Variants in ZNF540 observed in about 807,000 individuals in gnomAD.
ZNF540 encodes the protein zinc finger protein 540, also known as CTD-3064H18.6.
A neutral mutation model predicts 11.8 loss-of-function variants in ZNF540; 3 were observed. That is an observed-to-expected ratio of 0.25 (90% CI 0.12 to 0.65). The LOEUF (loss-of-function observed/expected upper bound fraction) is 0.65, where lower values mean the gene tolerates loss of function less well. Ranked by LOEUF, ZNF540 falls within the 30% of genes least tolerant of loss-of-function variation. The pLI, the probability that ZNF540 is intolerant of heterozygous loss-of-function variation, is 0.83. For missense variants in ZNF540, 709 were observed against 793.1 expected, an observed-to-expected ratio of 0.89 and a Z score of 1.27; for synonymous variants, 247 against 259.0, an observed-to-expected ratio of 0.95 and a Z score of 0.45.
intron 1 of ZNF540, among the ~76,000 whole-genome samples, chr19:37,573,948 T>C (rs544519659): frequency 6.6e-6 from 1 of 152,330 alleles, no homozygotes; most frequent in South Asian, 2.1e-4. Flanking sequence ...TAAAAAATCA[T>C]TGCCTTTTCC....
Position 37,601,113 on chromosome 19 carries a change from G to T in ZNF540, c.232+8G>T. The T allele has an allele frequency of 1.3e-6, 2 of 1,566,856 alleles. No individual in the cohort carries two copies. Among genetic ancestry groups the T allele is most frequent in the Non-Finnish European group, 1.7e-6 (2 of 1,155,408 alleles). ...CAGGAAGACAGTGCCCCGGTGAGTT[G>T]AGAGTTCATCAGGCAGATGGAAGCC... On this transcript the variant is annotated splice_region_variant and intron_variant, in intron 4 of 4. Transcript: ENST00000316433.
intron 1 of ZNF540, chr19:37,564,838 A>G (rs1288400352): frequency 6.2e-7 from 1 of 1,614,078 alleles, no homozygotes; most frequent in Non-Finnish European, 8.5e-7. Context: ...GTTTACATTC[A>G]TAAGGTTTTT....
At chr19:37,585,420 G>C (rs1338781466) in intron 1 of ZNF540, 1 of 152,160 alleles carries the variant, frequency 6.6e-6, no homozygotes, top group African/African-American at 2.4e-5. Context: ...AACAACTCTG[G>C]GAATGGGCTG....
upstream of ZNF540, chr19:37,594,538 T>A (rs892122074): frequency 6.6e-6 from 1 of 152,230 alleles, no homozygotes; most frequent in Non-Finnish European, 1.5e-5. Flanking sequence ...CCCCCGCCAC[T>A]GCCAGAACCA....
intron 1 of ZNF540, chr19:37,560,952 C>G (rs1219667520): frequency 1.4e-5 from 2 of 141,574 alleles, no homozygotes; most frequent in Non-Finnish European, 3.0e-5. Flanking sequence ...TGGCTCATGT[C>G]TGTAATCGCA....
rs758947802 is a variant in ZNF540 at position 37,569,620 on chromosome 19, G to A, written c.-73+17955G>A. 1.9e-4 allele frequency among the ~76,000 whole-genome samples: 29 copies of A among 152,116 alleles called. No individual in the cohort carries two copies. Among genetic ancestry groups the A allele is most frequent in the Non-Finnish European group, 3.7e-4 (25 of 68,034 alleles). On this transcript the variant is annotated intron_variant, in intron 1 of 4. Transcript: ENST00000592533. This position sits in a 1 kb window ranked among gnomAD's most constrained non-coding sequence, Gnocchi z 4.4. The stretch of plus-strand genomic sequence containing the variant: ...AGTGCTGCTTATAACCTACTAGGTT[G>A]TATTCATAACCTCTAGCAGGTTCTG...
At chr19:37,552,444 G>T (rs1372754998) in intron 1 of ZNF540, among the ~76,000 whole-genome samples, 1 of 152,106 alleles carries the variant, frequency 6.6e-6, no homozygotes, top group African/African-American at 2.4e-5. Flanking sequence ...ACTTTTAAAA[G>T]TTAATGAGAG....
intron 1 of ZNF540, among the ~76,000 whole-genome samples, chr19:37,572,354 AG>A (rs2043091355): frequency 6.6e-6 from 1 of 152,202 alleles, no homozygotes; most frequent in Non-Finnish European, 1.5e-5. Flanking sequence ...ACAATTCATA[AG>A]TTTTAAACTG....
At chr19:37,558,287 A>G (rs2042682348) in intron 1 of ZNF540, among the ~76,000 whole-genome samples, 1 of 152,154 alleles carries the variant, frequency 6.6e-6, no homozygotes, top group Non-Finnish European at 1.5e-5. Context: ...CTATTTCTAA[A>G]AGCTGACTGA....
chr19:37,580,559 G>A (rs1331969717), intron 1 of ZNF540, among the ~76,000 whole-genome samples: 1 of 152,172 alleles, frequency 6.6e-6, no homozygotes, highest in Non-Finnish European at 1.5e-5. Context: ...TTGAAATTTA[G>A]TCCCCAGTAT....
chr19:37,573,049 C>A (rs1403653494), intron 1 of ZNF540, among the ~76,000 whole-genome samples: 1 of 152,100 alleles, frequency 6.6e-6, no homozygotes, highest in Non-Finnish European at 1.5e-5. Context: ...ACTTTCAGAT[C>A]TAAATATTAA....
chr19:37,576,650 A>G (rs1448789283), intron 1 of ZNF540, among the ~76,000 whole-genome samples: 2 of 152,196 alleles, frequency 1.3e-5, no homozygotes, highest in Non-Finnish European at 2.9e-5. Context: ...GTTTAAGATT[A>G]TAAACAAAGT....
rs145255219 is a variant in ZNF540, at chr19:37,559,056, C to T, written c.-73+7391C>T. ...ATGGGTTTTCACTAACTTGCCAAGG[C>T]TGGTCTCAAACTCCTGCGCTCCAGT... On this transcript the variant is annotated intron_variant, in intron 1 of 4. Coordinates refer to the ZNF540 transcript ENST00000592533. 2.8e-4 allele frequency among the ~76,000 whole-genome samples: 43 copies of T among 152,104 alleles called. No individual in the cohort carries two copies. The East Asian group carries it at 7.1e-3, about 25-fold the overall frequency.
rs1599594427 is a variant in ZNF540, at chr19:37,613,261, T to C, written c.1981T>C (p.Ter661GlnextTer35). The change falls in exon 5 of 5, where the codon TAA (stop) becomes CAA (glutamine). Residue 661 changes from the stop codon to glutamine (Q), a stop_lost. Transcript: ENST00000316433. ...YQHQKTHNVI[*>Q] ...ACATCAGAAAACTCATAATGTAATTTAATATAAGAAAAGGTTTCCATGTCA... is the reference window on the plus strand; with the variant it reads ...ACATCAGAAAACTCATAATGTAATTCAATATAAGAAAAGGTTTCCATGTCA... 6.7e-7 allele frequency: 1 copy of C among 1,484,600 alleles called. No homozygotes were observed. Among genetic ancestry groups the C allele is most frequent in the Non-Finnish European group, 9.0e-7 (1 of 1,115,828 alleles). The allele number at this position is 1,484,600 out of a possible 1,614,324, so 92.0% of individuals were successfully genotyped here.
At chr19:37,590,290 A>G (rs2043829530), upstream of ZNF540, among the ~76,000 whole-genome samples, 1 of 151,928 alleles carries the variant, frequency 6.6e-6, no homozygotes, top group Admixed American at 6.6e-5. Context: ...GGTGGTGGGC[A>G]CCTGTAGTCC....
At chr19:37,573,759 C>T (rs1271748757) in intron 1 of ZNF540, among the ~76,000 whole-genome samples, 2 of 150,278 alleles carry the variant, frequency 1.3e-5, no homozygotes, top group African/African-American at 2.5e-5. Flanking sequence ...CACTTCAGCC[C>T]GAGTGTGAGG....
At position 37,611,610 on chromosome 19, in the gene ZNF540, T is replaced by C; in HGVS notation, c.330T>C (p.Thr110=). The part of the protein sequence containing the change: ...SKESIIEKSK[T]LRLKGSIFRN... ...AGAGTATAATAGAAAAAAGTAAAAC[T>C]CTTCGTCTGAAAGGATCCATTTTTA... The change falls in exon 5 of 5, where the codon ACT becomes ACC. Residue 110 remains threonine (T), a synonymous_variant. Coordinates refer to ENST00000316433, the MANE Select transcript of ZNF540 (RefSeq NM_001172225.3). The C allele has an allele frequency of 6.2e-7, 1 of 1,613,902 alleles. No individual in the cohort carries two copies. Among genetic ancestry groups the C allele is most frequent in the Non-Finnish European group, 8.5e-7 (1 of 1,179,912 alleles).
intron 1 of ZNF540, chr19:37,564,833 C>G: frequency 6.2e-7 from 1 of 1,614,042 alleles, no homozygotes. Flanking sequence ...ACACTGTTTA[C>G]ATTCATAAGG....
chr19:37,599,823 G>T (rs1159892663), intron 3 of ZNF540, 71 bp downstream of exon 3: 3 of 1,450,452 alleles, frequency 2.1e-6, no homozygotes, highest in Non-Finnish European at 2.8e-6. Flanking sequence ...CACAAATTTA[G>T]GACTAATTAT....
Sources: allele counts gnomAD v4.1 joint callset (sites outside exome capture counted in the v4.1 genomes callset), GRCh38; gene constraint gnomAD v4.1.1; non-coding constraint Gnocchi (gnomAD v3.1); transcripts MANE v1.5; gene names NCBI Gene and HGNC (gene_info 2026-07-23, HGNC 2026-07-21).